ARHGEF28: variants seen among roughly 807,000 people sequenced by gnomAD.
ARHGEF28 encodes the protein 190 kDa guanine nucleotide exchange factor.
In ARHGEF28, 152 loss-of-function variants were observed where a neutral mutation model predicts 206.6. The observed-to-expected ratio is 0.74, with a 90% CI of 0.64 to 0.84. ARHGEF28 has a LOEUF of 0.84. ARHGEF28 is among the 40% of genes least tolerant of loss of function. The probability of loss-of-function intolerance (pLI) is 0.00; values close to 1 mark genes in which losing one functional copy is unlikely to be tolerated. For synonymous variants in ARHGEF28, 763 were observed against 776.4 expected (o/e 0.98, Z 0.29); for missense variants, 2,028 against 2,073.2 (o/e 0.98, Z 0.42).
At chr5:73,739,992 G>A (rs1751274742) in intron 2 of ARHGEF28, among the ~76,000 whole-genome samples, 1 of 145,832 alleles carries the variant, frequency 6.9e-6, no homozygotes, top group Admixed American at 6.9e-5. Context: ...AACATAGTGA[G>A]ACTTTGTCTC....
At chr5:73,827,595 G>A (rs1756991277) in intron 9 of ARHGEF28, among the ~76,000 whole-genome samples, 1 of 152,190 alleles carries the variant, frequency 6.6e-6, no homozygotes, top group South Asian at 2.1e-4. Context: ...CAGCTAATAG[G>A]TGGTGGAGTA....
chr5:73,797,304 C>G (rs1319638464), intron 9 of ARHGEF28, among the ~76,000 whole-genome samples: 1 of 152,126 alleles, frequency 6.6e-6, no homozygotes, highest in Admixed American at 6.5e-5. Flanking sequence ...AAGGGGACAG[C>G]AAGCTGTGAG....
chr5:73,888,270 A>G (rs1430089832), intron 26 of ARHGEF28, among the ~76,000 whole-genome samples: 1 of 152,242 alleles, frequency 6.6e-6, no homozygotes, highest in Non-Finnish European at 1.5e-5. Flanking sequence ...GCTTCTAAAG[A>G]CAGTGTATGA....
intron 4 of ARHGEF28, among the ~76,000 whole-genome samples, chr5:73,773,457 GC>G (rs1401835964): frequency 6.6e-6 from 1 of 152,164 alleles, no homozygotes; most frequent in African/African-American, 2.4e-5. Flanking sequence ...GCCTCTAAAA[GC>G]CTCCCTGCCT....
intron 9 of ARHGEF28, among the ~76,000 whole-genome samples, chr5:73,816,422 G>A (rs1288453366): frequency 1.3e-5 from 2 of 152,084 alleles, no homozygotes; most frequent in Admixed American, 6.6e-5. Context: ...CTCATATGTA[G>A]GTTCAAGTCA....
intron 10 of ARHGEF28, among the ~76,000 whole-genome samples, chr5:73,833,986 C>T (rs946832152): frequency 2.6e-5 from 4 of 152,152 alleles, no homozygotes; most frequent in African/African-American, 9.7e-5. Context: ...AGTGCCAAAC[C>T]ATACCACAGG....
chr5:73,751,415 G>A (rs1209749344), intron 3 of ARHGEF28, among the ~76,000 whole-genome samples: 1 of 152,048 alleles, frequency 6.6e-6, no homozygotes, highest in Non-Finnish European at 1.5e-5. Context: ...GTCTCAAAAC[G>A]AAAACAAAAA....
At chr5:73,804,122 G>C (rs1755299628) in intron 9 of ARHGEF28, among the ~76,000 whole-genome samples, 1 of 146,128 alleles carries the variant, frequency 6.8e-6, no homozygotes, top group Non-Finnish European at 1.5e-5. Context: ...GAGTCAAGTT[G>C]ATGGTGTCCA....
intron 1 of ARHGEF28, among the ~76,000 whole-genome samples, chr5:73,633,284 G>T (rs1186829054): frequency 1.3e-5 from 2 of 152,110 alleles, no homozygotes; most frequent in Non-Finnish European, 2.9e-5. Context: ...ACTGGTCTTT[G>T]GCCCCAGGGG....
At chr5:73,652,926 G>A (rs1372109523) in intron 1 of ARHGEF28, among the ~76,000 whole-genome samples, 1 of 152,198 alleles carries the variant, frequency 6.6e-6, no homozygotes, top group African/African-American at 2.4e-5. Flanking sequence ...GCCTCAGGGT[G>A]CAAGGGACAC....
At chr5:73,776,492 G>A in intron 5 of ARHGEF28, 24 bp from the exon 6 acceptor site, 1 of 1,595,200 alleles carries the variant, frequency 6.3e-7, no homozygotes, top group Non-Finnish European at 8.6e-7. Context: ...AGCTCTGTGT[G>A]GGTTTTGATT....
intron 14 of ARHGEF28, among the ~76,000 whole-genome samples, chr5:73,854,718 G>C (rs1579991351): frequency 6.6e-6 from 1 of 151,968 alleles, no homozygotes; most frequent in East Asian, 1.9e-4. Flanking sequence ...TGCAATCACA[G>C]CTACTCAGGA....
chr5:73,873,874 T>C (rs907034080), intron 22 of ARHGEF28, among the ~76,000 whole-genome samples: 2 of 152,090 alleles, frequency 1.3e-5, no homozygotes, highest in Non-Finnish European at 2.9e-5. Flanking sequence ...CTTTCATTTT[T>C]CTGGGATAAA....
At chr5:73,714,748 C>T (rs1221042285) in intron 2 of ARHGEF28, among the ~76,000 whole-genome samples, 1 of 152,156 alleles carries the variant, frequency 6.6e-6, no homozygotes, top group Non-Finnish European at 1.5e-5. Context: ...ACACCTGTGT[C>T]ACCATCACCC....
intron 19 of ARHGEF28, 38 bp from the exon 20 acceptor site, chr5:73,868,062 C>A (rs751555681): frequency 5.6e-6 from 9 of 1,613,160 alleles, no homozygotes; most frequent in Admixed American, 1.7e-5. Context: ...GCTCAGAGAG[C>A]TTCTGGGGCT....
intron 4 of ARHGEF28, among the ~76,000 whole-genome samples, chr5:73,770,964 C>G (rs537935756): frequency 1.3e-5 from 2 of 152,148 alleles, no homozygotes; most frequent in African/African-American, 4.8e-5. Flanking sequence ...GGAGAGCTCT[C>G]GTGGTAGAGG....
chr5:73,855,119 C>G (rs1361256232), intron 14 of ARHGEF28, among the ~76,000 whole-genome samples: 1 of 152,038 alleles, frequency 6.6e-6, no homozygotes, highest in Admixed American at 6.6e-5. Context: ...AATGTAAAAG[C>G]TATTTAAATT....
intron 4 of ARHGEF28, among the ~76,000 whole-genome samples, chr5:73,766,153 C>CAAAAAAA (rs369385323): frequency 2.6e-5 from 3 of 114,754 alleles, no homozygotes; most frequent in African/African-American, 5.9e-5. Flanking sequence ...GACTCCATCT[C>CAAAAAAA]AAAAAAAAAA....
chr5:73,658,962 TACAC>T (rs55877309), intron 1 of ARHGEF28, among the ~76,000 whole-genome samples: 4,491 of 124,750 alleles, frequency 0.036, 199 homozygotes, highest in African/African-American at 0.1. Flanking sequence ...TGCATGCAGG[TACAC>T]ACACACACAC....
Sources: gnomAD v4.1 joint callset for allele counts (sites outside exome capture counted in the v4.1 genomes callset) on GRCh38, gnomAD v4.1.1 for gene constraint, MANE v1.5 for transcripts, NCBI Gene and HGNC (gene_info 2026-07-23, HGNC 2026-07-21) for gene names.